DNAH6: variants seen among roughly 807,000 people sequenced by gnomAD.
The protein encoded by DNAH6 is axonemal beta dynein heavy chain 6.
A neutral mutation model predicts 491.4 loss-of-function variants in DNAH6; 340 were observed. That is an observed-to-expected ratio of 0.69 (90% CI 0.63 to 0.76). DNAH6 has a LOEUF of 0.76. DNAH6 is among the 30% of genes least tolerant of loss of function. The pLI is 0.00. For synonymous variants in DNAH6, 1,603 were observed against 1,686.1 expected, an observed-to-expected ratio of 0.95 and a Z score of 1.21; for missense variants, 4,443 against 4,972.2, an observed-to-expected ratio of 0.89 and a Z score of 3.20.
chr2:84,763,754 G>GTGTA (rs1674813141), intron 64 of DNAH6, among the ~76,000 whole-genome samples: 2 of 137,764 alleles, frequency 1.5e-5, no homozygotes. Flanking sequence ...GTGTGTGTGT[G>GTGTA]TGTGTGTGTG....
In DNAH6 at chr2:84,653,365, GA is replaced by G; in HGVS notation, c.5126del (p.Asp1709ValfsTer13). The G allele has an allele frequency of 6.5e-7, 1 of 1,548,602 alleles. No individual in the cohort carries two copies. The highest frequency in any genetic ancestry group is 8.7e-7 in the Non-Finnish European group (1 of 1,145,214). ...TCCTGGAGTCCAAATTCCAGAACAT[GA>G]TTATGGTATTTTACAATCAACAATT... ...LFPGVQIPEH[D>X]YGILQSTIVD... On this transcript the variant is annotated frameshift_variant, in exon 34 of 77. Transcript: ENST00000389394. LOFTEE classifies it high-confidence loss of function.
intron 5 of DNAH6, among the ~76,000 whole-genome samples, chr2:84,546,444 A>T (rs1268961355): frequency 6.6e-6 from 1 of 152,140 alleles, no homozygotes; most frequent in Non-Finnish European, 1.5e-5. Context: ...AGCATTGTCG[A>T]CCCTACTAAA....
At chr2:84,607,164 T>G in intron 21 of DNAH6, 69 bp downstream of exon 21, 3 of 1,393,536 alleles carry the variant, frequency 2.2e-6, no homozygotes, top group Admixed American at 2.1e-5. Context: ...AGAAATTATT[T>G]GTTTCATTAT....
chr2:84,544,197 C>T, intron 4 of DNAH6, 36 bp from the exon 5 acceptor site: 1 of 1,138,944 alleles, frequency 8.8e-7, no homozygotes, highest in Non-Finnish European at 1.2e-6. Context: ...GTATTGAATA[C>T]TTTATTTATT....
At chr2:84,769,574 CA>C (rs1264236735) in intron 64 of DNAH6, among the ~76,000 whole-genome samples, 22 of 152,162 alleles carry the variant, frequency 1.4e-4, no homozygotes, top group African/African-American at 5.3e-4. Context: ...CCATAGTGAA[CA>C]GAAAATATCT....
At chr2:84,754,520 G>A (rs1172670070) in intron 63 of DNAH6, among the ~76,000 whole-genome samples, 1 of 152,206 alleles carries the variant, frequency 6.6e-6, no homozygotes, top group Admixed American at 6.5e-5. Context: ...AGTTGTCACA[G>A]CATCATTTGT....
At chr2:84,726,612 C>T (rs1284911259) in intron 60 of DNAH6, among the ~76,000 whole-genome samples, 1 of 152,038 alleles carries the variant, frequency 6.6e-6, no homozygotes, top group Non-Finnish European at 1.5e-5. Context: ...GGAAGGGGAA[C>T]ATCACACTCC....
chr2:84,624,533 T>C lies in DNAH6; in HGVS notation c.4266T>C (p.Asn1422=). Residue 1422 remains asparagine (N), a synonymous_variant, in exon 28 of 77, where the codon AAT becomes AAC. Coordinates refer to ENST00000389394, the MANE Select transcript of DNAH6 (RefSeq NM_001370.2). ...LRYYWDIDLD[N]CVARMALSQY... ...ATTACTGGGATATAGACCTGGATAA[T>C]TGTGTGGCTAGAATGGCGCTCTCTC... 1 of 1,551,848 alleles carries C rather than the reference T, an allele frequency of 6.4e-7. No homozygotes were observed. The highest frequency in any genetic ancestry group is 8.7e-7 in the Non-Finnish European group (1 of 1,146,980).
At chr2:84,786,506 G>A (rs1471018432) in intron 67 of DNAH6, among the ~76,000 whole-genome samples, 1 of 152,042 alleles carries the variant, frequency 6.6e-6, no homozygotes, top group African/African-American at 2.4e-5. Context: ...CTGACAGGTT[G>A]GGATCAGAGG....
chr2:84,782,057 T>C (rs1346692000), intron 65 of DNAH6, among the ~76,000 whole-genome samples: 2 of 152,208 alleles, frequency 1.3e-5, no homozygotes, highest in African/African-American at 4.8e-5. Context: ...TTTTACCACC[T>C]TTTATCTTCT....
At chr2:84,494,727 A>G in the DNAH6 span, among the ~76,000 whole-genome samples, 1 of 152,240 alleles carries the variant, frequency 6.6e-6, no homozygotes, top group Admixed American at 6.5e-5. Flanking sequence ...CTGTAACTGG[A>G]TGTGATCAAA....
chr2:84,550,150 T>TAA, intron 9 of DNAH6, 93 bp downstream of exon 9: 58 of 855,138 alleles, frequency 6.8e-5, no homozygotes, highest in Middle Eastern at 3.4e-4. Context: ...TTCTGTGCAC[T>TAA]AAAAAAAAAA....
At chr2:84,597,356 G>A (rs1032834371) in intron 18 of DNAH6, among the ~76,000 whole-genome samples, 6 of 152,160 alleles carry the variant, frequency 3.9e-5, no homozygotes, top group Admixed American at 3.9e-4. Flanking sequence ...AAAAGATGCT[G>A]AACACCATTA....
chr2:84,634,521 C>T lies in DNAH6; in HGVS notation c.4533C>T (p.Phe1511=). Residue 1511 remains phenylalanine (F), a synonymous_variant, in exon 30 of 77, where the codon TTC becomes TTT. Coordinates refer to ENST00000389394, the MANE Select transcript of DNAH6 (RefSeq NM_001370.2). Reference sequence around the variant, plus strand: ...GATTTCAGATGATGGGGCGCTTCTTCAGTGGCTTGGCACAGTCAGGGGCCT... The same window carrying T: ...GATTTCAGATGATGGGGCGCTTCTTTAGTGGCTTGGCACAGTCAGGGGCCT... The part of the protein sequence containing the change: ...GLDYKMMGRF[F]SGLAQSGAWC... 1 of 1,543,704 alleles carries T rather than the reference C, an allele frequency of 6.5e-7. No individual in the cohort carries two copies. Among genetic ancestry groups the T allele is most frequent in the Non-Finnish European group, 8.7e-7 (1 of 1,144,330 alleles).
intron 12 of DNAH6, 149 bp downstream of exon 12, chr2:84,573,736 G>T: frequency 1.6e-6 from 1 of 612,692 alleles, no homozygotes; most frequent in Non-Finnish European, 2.7e-6. Flanking sequence ...TCATTTCTAG[G>T]TTATTTTCTA....
chr2:84,801,900 A>G (rs1678959631), intron 70 of DNAH6, among the ~76,000 whole-genome samples: 1 of 151,706 alleles, frequency 6.6e-6, no homozygotes. Flanking sequence ...AAAGAAAAGA[A>G]AAAAAGAAAG....
chr2:84,670,303 A>G (rs1220731970), intron 38 of DNAH6, 25 bp from the exon 39 acceptor site: 2 of 1,440,872 alleles, frequency 1.4e-6, no homozygotes, highest in Admixed American at 2.2e-5. Context: ...TTCATGTGAC[A>G]TTAATTAACT....
intron 21 of DNAH6, among the ~76,000 whole-genome samples, chr2:84,610,101 C>T (rs1214056505): frequency 2.0e-5 from 3 of 152,068 alleles, no homozygotes; most frequent in Admixed American, 6.6e-5. Flanking sequence ...CTTCCAAGCT[C>T]ACTCCAGTTG....
At chr2:84,469,831 A>G in the DNAH6 span, among the ~76,000 whole-genome samples, 5 of 152,200 alleles carry the variant, frequency 3.3e-5, no homozygotes, top group African/African-American at 1.2e-4. The surrounding 1 kb of genome is among the most constrained non-coding windows in gnomAD (Gnocchi z 4.0). Flanking sequence ...TTAACATCCT[A>G]TAGTGCCAAA....
Sources: gnomAD v4.1 joint callset for allele counts (sites outside exome capture counted in the v4.1 genomes callset) on GRCh38, gnomAD v4.1.1 for gene constraint, Gnocchi (gnomAD v3.1) non-coding constraint, MANE v1.5 for transcripts, NCBI Gene and HGNC (gene_info 2026-07-23, HGNC 2026-07-21) for gene names.